The following GPR107 variants were observed in gnomAD, a reference collection of about 807,000 sequenced individuals.
GPR107 encodes the protein protein GPR107.
GPR107 carries 31 observed loss-of-function variants against 75.5 expected under a neutral mutation model. The ratio of observed to expected loss-of-function variants is 0.41; its 90% CI spans 0.31 to 0.55. GPR107 has a LOEUF of 0.55. Ranked by LOEUF, GPR107 falls within the 20% of genes least tolerant of loss-of-function variation. GPR107 has a pLI of 0.26. For synonymous variants in GPR107, 267 were observed against 251.3 expected, an observed-to-expected ratio of 1.06 and a Z score of -0.59; for missense variants, 572 against 665.7, an observed-to-expected ratio of 0.86 and a Z score of 1.55.
intron 13 of GPR107, 97 bp downstream of exon 13, chr9:130,104,647 C>T (rs984338010): frequency 1.4e-5 from 14 of 1,011,756 alleles, no homozygotes; most frequent in East Asian, 2.5e-5. Flanking sequence ...TCACATGGGA[C>T]GTGTGTTTAA....
intron 16 of GPR107, among the ~76,000 whole-genome samples, chr9:130,127,904 T>C (rs1831724883): frequency 6.6e-6 from 1 of 152,172 alleles, no homozygotes; most frequent in African/African-American, 2.4e-5. Flanking sequence ...GGCTTTGCAG[T>C]GTTGGCCAGG....
chr9:130,088,052 G>T (rs1339863316), intron 7 of GPR107, among the ~76,000 whole-genome samples: 1 of 151,894 alleles, frequency 6.6e-6, no homozygotes, highest in African/African-American at 2.4e-5. Flanking sequence ...CATTTTCGTC[G>T]CCATCCTTAT....
chr9:130,066,855 G>A (rs1376971957), intron 1 of GPR107, among the ~76,000 whole-genome samples: 2 of 152,128 alleles, frequency 1.3e-5, no homozygotes, highest in African/African-American at 4.8e-5. Context: ...GTGTGGTGGC[G>A]GGCGCCTGTA....
rs1210779189 is a variant in GPR107, at chr9:130,112,386, T to C, written c.1306+4847T>C. The stretch of plus-strand genomic sequence containing the variant: ...TCATAATCATACGGTGTGAGTCTCT[T>C]GTGCTGTTGACATTTGCCTGATGGT... On this transcript the variant is annotated intron_variant, in intron 14 of 17. Transcript: ENST00000347136. The surrounding 1 kb of genome is among the most constrained non-coding windows in gnomAD (Gnocchi z 4.0). Among the ~76,000 whole-genome samples the C allele has an allele frequency of 1.3e-5, 2 of 152,200 alleles. No homozygotes were observed. Among genetic ancestry groups the C allele is most frequent in the Non-Finnish European group, 2.9e-5 (2 of 68,034 alleles).
rs1166468536 is a variant in GPR107 at position 130,112,846 on chromosome 9, C to T, written c.1306+5307C>T. Among the ~76,000 whole-genome samples, 1 of 152,040 alleles carries T rather than the reference C, an allele frequency of 6.6e-6. No homozygotes were observed. Among genetic ancestry groups the T allele is most frequent in the African/African-American group, 2.4e-5 (1 of 41,374 alleles). ...CTTACTGCAGCCTCAACCTCCTGGG[C>T]CCAACCGATCCTCTCACCTCAGCCC... On this transcript the variant is annotated intron_variant, in intron 14 of 17. Coordinates refer to ENST00000347136, the MANE Select transcript of GPR107 (RefSeq NM_020960.5). This position sits in a 1 kb window ranked among gnomAD's most constrained non-coding sequence, Gnocchi z 4.0.
chr9:130,087,158 C>T (rs1830632694), intron 7 of GPR107, among the ~76,000 whole-genome samples: 1 of 152,050 alleles, frequency 6.6e-6, no homozygotes, highest in African/African-American at 2.4e-5. Flanking sequence ...CTGCCTCAGC[C>T]TCCCAAGTAG....
intron 13 of GPR107, 125 bp from the exon 14 acceptor site, chr9:130,107,371 A>G: frequency 2.8e-6 from 2 of 704,768 alleles, no homozygotes; most frequent in African/African-American, 1.7e-5. Context: ...AGAGTGCTCT[A>G]AAGTGATGTA....
intron 6 of GPR107, among the ~76,000 whole-genome samples, chr9:130,085,999 C>T (rs1830607451): frequency 1.3e-5 from 2 of 152,106 alleles, no homozygotes; most frequent in African/African-American, 4.8e-5. Context: ...GATCTGCCCA[C>T]CTTGGCCTCC....
chr9:130,091,918 A>T (rs1830748941), intron 8 of GPR107, among the ~76,000 whole-genome samples: 1 of 149,666 alleles, frequency 6.7e-6, no homozygotes, highest in Admixed American at 6.7e-5. Context: ...CTGGTCTTGA[A>T]CTCCTAACCT....
intron 1 of GPR107, among the ~76,000 whole-genome samples, chr9:130,072,279 C>T (rs1257951713): frequency 4.0e-5 from 6 of 149,240 alleles, no homozygotes; most frequent in Admixed American, 2.0e-4. Context: ...AGTGCAGTGG[C>T]GTGATCTCGG....
At chr9:130,125,699 T>C (rs1049079541) in intron 15 of GPR107, among the ~76,000 whole-genome samples, 25 of 144,926 alleles carry the variant, frequency 1.7e-4, no homozygotes, top group African/African-American at 6.4e-4. Context: ...TTTAGAAAAA[T>C]GGGATCACAC....
chr9:130,131,417 C>A (rs1222109316), intron 17 of GPR107, among the ~76,000 whole-genome samples: 3 of 152,180 alleles, frequency 2.0e-5, no homozygotes, highest in Non-Finnish European at 2.9e-5. Flanking sequence ...TCACTTCTGC[C>A]ACTCCCAGTC....
rs1364264416 is a variant in GPR107 at position 130,099,461 on chromosome 9, G to A, written c.868G>A (p.Asp290Asn). Residue 290 changes from aspartate to asparagine, a missense_variant, in exon 10 of 18, where the codon GAT (aspartate) becomes AAT (asparagine). Asp to Asn is a conservative substitution (Grantham distance 23). Coordinates refer to ENST00000347136, the MANE Select transcript of GPR107 (RefSeq NM_020960.5). ...WIHILRKRRN[D>N]VFKIHWLMAA... Reference sequence around the variant, plus strand: ...GTTTTCTCTCTGTTTTTATAGGAATGATGTATTTAAAATCCACTGGCTGAT... The same window carrying A: ...GTTTTCTCTCTGTTTTTATAGGAATAATGTATTTAAAATCCACTGGCTGAT... 6.4e-7 allele frequency: 1 copy of A among 1,571,770 alleles called. No homozygotes were observed.
At position 130,103,432 on chromosome 9, in the gene GPR107, AGT is replaced by A. The variant is rs1186703922; in HGVS notation, c.1132-986_1132-985del. 3.3e-5 allele frequency among the ~76,000 whole-genome samples: 5 copies of A among 152,202 alleles called. No individual in the cohort carries two copies. Among genetic ancestry groups the A allele is most frequent in the Non-Finnish European group, 7.3e-5 (5 of 68,038 alleles). On this transcript the variant is annotated intron_variant, in intron 12 of 17. Coordinates refer to ENST00000347136, the MANE Select transcript of GPR107 (RefSeq NM_020960.5). This position sits in a 1 kb window ranked among gnomAD's most constrained non-coding sequence, Gnocchi z 4.3. The stretch of plus-strand genomic sequence containing the variant: ...AATGATAACCTCTGCATCCATTCCC[AGT>A]GGTAATCTTCAAAAGGATGTATTAT...
chr9:130,060,402 GTTTTT>G lies in GPR107; in HGVS notation c.141+6349_141+6353del, dbSNP rs11403227. Among the ~76,000 whole-genome samples the G allele has an allele frequency of 2.4e-4, 18 of 75,904 alleles. No individual in the cohort carries two copies. The Admixed American group carries it at 3.0e-3, about 12-fold the overall frequency. The allele number at this position is 75,904 out of a possible 152,430, so 49.8% of individuals were successfully genotyped here. ...TAATGGAATAAAAATGATAATCCGA[GTTTTT>G]TTTTTTTTTTTTTTTTTTTGAGATA... On this transcript the variant is annotated intron_variant, in intron 1 of 17. Transcript: ENST00000347136.
intron 7 of GPR107, among the ~76,000 whole-genome samples, chr9:130,090,161 T>C (rs1830700493): frequency 6.6e-6 from 1 of 152,214 alleles, no homozygotes; most frequent in African/African-American, 2.4e-5. Flanking sequence ...TTCTTTTTAT[T>C]GGTAGAACTT....
At chr9:130,054,189 C>A in intron 1 of GPR107, 116 bp downstream of exon 1, 1 of 1,049,492 alleles carries the variant, frequency 9.5e-7, no homozygotes, top group Non-Finnish European at 1.3e-6. Flanking sequence ...TTGCCCCTGG[C>A]TGCGGCCTTT....
At chr9:130,115,621 C>T (rs1831405277) in intron 14 of GPR107, among the ~76,000 whole-genome samples, 1 of 151,934 alleles carries the variant, frequency 6.6e-6, no homozygotes, top group African/African-American at 2.4e-5. Context: ...AAAAAATTAG[C>T]TGGCGTGGTG....
At chr9:130,115,319 G>T (rs138510423) in intron 14 of GPR107, among the ~76,000 whole-genome samples, 1 of 152,042 alleles carries the variant, frequency 6.6e-6, no homozygotes. Context: ...CACACCAGCC[G>T]CATGATGTGA....
Sources: allele counts gnomAD v4.1 joint callset (sites outside exome capture counted in the v4.1 genomes callset), GRCh38; gene constraint gnomAD v4.1.1; non-coding constraint Gnocchi (gnomAD v3.1); transcripts MANE v1.5; gene names NCBI Gene and HGNC (gene_info 2026-07-23, HGNC 2026-07-21).